Variants in SLC30A8 observed in about 807,000 individuals in gnomAD.
The protein encoded by SLC30A8 is solute carrier family 30 member 8.
Under a neutral mutation model 36.9 loss-of-function variants are expected in SLC30A8, and 27 were observed. The ratio of observed to expected loss-of-function variants is 0.73; its 90% CI spans 0.54 to 1.01. The LOEUF (loss-of-function observed/expected upper bound fraction) is 1.01. SLC30A8 is among the 50% of genes least tolerant of loss of function. The pLI is 0.00. For synonymous variants in SLC30A8, 164 were observed against 172.4 expected, an observed-to-expected ratio of 0.95 and a Z score of 0.38; for missense variants, 439 against 452.0, an observed-to-expected ratio of 0.97 and a Z score of 0.26.
At chr8:117,133,665 A>G (rs573185022), upstream of SLC30A8, among the ~76,000 whole-genome samples, 1 of 152,126 alleles carries the variant, frequency 6.6e-6, no homozygotes, top group South Asian at 2.1e-4. Flanking sequence ...GCTAGAAACT[A>G]TTCACAAATG....
At chr8:116,992,297 G>A (rs1025794925) in intron 1 of SLC30A8, among the ~76,000 whole-genome samples, 2 of 152,154 alleles carry the variant, frequency 1.3e-5, no homozygotes, top group South Asian at 2.1e-4. Context: ...TGCAATGAGC[G>A]AGTAACTTGT....
intron 1 of SLC30A8, among the ~76,000 whole-genome samples, chr8:116,988,509 A>G (rs1035888741): frequency 8.5e-5 from 13 of 152,178 alleles, no homozygotes; most frequent in Non-Finnish European, 1.2e-4. Context: ...CCCCGTTCAC[A>G]TAATTACCTT....
intron 1 of SLC30A8, among the ~76,000 whole-genome samples, chr8:116,976,822 CTTTTTT>C (rs763561636): frequency 7.1e-3 from 243 of 34,330 alleles, no homozygotes; most frequent in African/African-American, 0.026. Context: ...TTCTTTCTTT[CTTTTTT>C]TTTTTTTTTT....
chr8:117,133,996 T>TAAG (rs1490838444), upstream of SLC30A8, among the ~76,000 whole-genome samples: 2 of 151,870 alleles, frequency 1.3e-5, no homozygotes, highest in Non-Finnish European at 2.9e-5. Flanking sequence ...CTTAAGATAA[T>TAAG]AAGAGGTACA....
At chr8:117,095,552 C>T (rs1193746196) in intron 2 of SLC30A8, among the ~76,000 whole-genome samples, 4 of 151,994 alleles carry the variant, frequency 2.6e-5, no homozygotes, top group East Asian at 1.9e-4. Context: ...CTGCTTTGCT[C>T]ATCTCCCAAA....
chr8:117,007,286 A>T lies in SLC30A8; in HGVS notation c.-265-31933A>T, dbSNP rs186832107. Among the ~76,000 whole-genome samples the T allele has an allele frequency of 3.1e-3, 465 of 152,158 alleles. 3 individuals carry two copies. The highest frequency in any genetic ancestry group is 0.01 in the African/African-American group (429 of 41,508). On this transcript the variant is annotated intron_variant, in intron 1 of 10. Transcript: ENST00000427715. Reference sequence around the variant, plus strand: ...GTATAAATTAAAGTTATTCTTGTTTATGTGTTGCAAAACAGGTTTTGGAGG... The same window carrying T: ...GTATAAATTAAAGTTATTCTTGTTTTTGTGTTGCAAAACAGGTTTTGGAGG...
intron 2 of SLC30A8, among the ~76,000 whole-genome samples, chr8:117,073,864 A>G (rs193090787): frequency 6.6e-6 from 1 of 152,128 alleles, no homozygotes; most frequent in East Asian, 1.9e-4. Context: ...GTTCCCCGTC[A>G]GCCCTCCACA....
At chr8:117,117,423 C>T (rs1259990792) in intron 2 of SLC30A8, among the ~76,000 whole-genome samples, 2 of 151,906 alleles carry the variant, frequency 1.3e-5, no homozygotes, top group Non-Finnish European at 1.5e-5. Flanking sequence ...CCAGAGGATC[C>T]GATTTATTAA....
chr8:117,096,255 C>T lies in SLC30A8; in HGVS notation c.-225-39025C>T, dbSNP rs558184831. Among the ~76,000 whole-genome samples the T allele has an allele frequency of 1.1e-4, 16 of 152,298 alleles. No individual in the cohort carries two copies. The East Asian group carries it at 2.5e-3, about 24-fold the overall frequency. On this transcript the variant is annotated intron_variant, in intron 2 of 10. Transcript: ENST00000427715. ...AGTACCTTGAGTGACCTCTGCTACT[C>T]CTCATCCATGTATGTGGTAAACATT...
chr8:117,067,193 A>G (rs934655125), intron 2 of SLC30A8, among the ~76,000 whole-genome samples: 1 of 152,122 alleles, frequency 6.6e-6, no homozygotes, highest in Non-Finnish European at 1.5e-5. Flanking sequence ...ACCTCCCACC[A>G]GGTCCCTCTC....
intron 1 of SLC30A8, among the ~76,000 whole-genome samples, chr8:116,967,234 A>C (rs1814628474): frequency 6.6e-6 from 1 of 152,188 alleles, no homozygotes; most frequent in Admixed American, 6.5e-5. Context: ...AACACAAACA[A>C]AACCCACAAA....
chr8:117,006,445 C>G (rs1267484465), intron 1 of SLC30A8, among the ~76,000 whole-genome samples: 1 of 152,096 alleles, frequency 6.6e-6, no homozygotes, highest in Non-Finnish European at 1.5e-5. Flanking sequence ...TTGTGTGTTT[C>G]TTTTATTTTA....
intron 1 of SLC30A8, among the ~76,000 whole-genome samples, chr8:117,032,036 T>C (rs1302668341): frequency 6.6e-6 from 1 of 152,204 alleles, no homozygotes; most frequent in Non-Finnish European, 1.5e-5. Context: ...TCCCCAAATT[T>C]ATCTTGCGGT....
intron 2 of SLC30A8, among the ~76,000 whole-genome samples, chr8:117,099,785 ACT>A (rs1281613869): frequency 6.6e-6 from 1 of 152,052 alleles, no homozygotes; most frequent in East Asian, 1.9e-4. Flanking sequence ...GATAAAATAA[ACT>A]CTGAGTACTG....
In SLC30A8 at chr8:117,153,511, G is replaced by A. The variant is rs902796096; in HGVS notation, c.418+421G>A. ...ACTTCTTATAGAGGATTCAGGAATA[G>A]AATATAGGCTTTCCTGCTCACACAC... On this transcript the variant is annotated intron_variant, in intron 3 of 7. Coordinates refer to ENST00000456015, the MANE Select transcript of SLC30A8 (RefSeq NM_173851.3). 5.3e-5 allele frequency among the ~76,000 whole-genome samples: 8 copies of A among 152,354 alleles called. No individual in the cohort carries two copies. In the East Asian group the frequency reaches 1.5e-3, roughly 29 times the overall value.
intron 6 of SLC30A8, among the ~76,000 whole-genome samples, chr8:117,164,634 A>G (rs1822969572): frequency 6.6e-6 from 1 of 152,132 alleles, no homozygotes; most frequent in African/African-American, 2.4e-5. Flanking sequence ...TAATAAGAGG[A>G]GAAAGAGATT....
chr8:117,076,298 G>T (rs1040292994), intron 2 of SLC30A8, among the ~76,000 whole-genome samples: 45 of 152,300 alleles, frequency 3.0e-4, no homozygotes, highest in East Asian at 3.9e-4. Flanking sequence ...CTAAAGAGGA[G>T]AAGTCTATTT....
intron 2 of SLC30A8, among the ~76,000 whole-genome samples, chr8:117,044,918 C>G (rs773192609): frequency 6.6e-6 from 1 of 152,180 alleles, no homozygotes; most frequent in Non-Finnish European, 1.5e-5. Flanking sequence ...TGCCTCAGAA[C>G]TAGCTGCAAA....
chr8:116,970,039 G>C (rs933967989), intron 1 of SLC30A8, among the ~76,000 whole-genome samples: 3 of 151,684 alleles, frequency 2.0e-5, no homozygotes, highest in Non-Finnish European at 2.9e-5. Context: ...TATACTTTTA[G>C]TCTTTTGTAA....
Sources: allele counts gnomAD v4.1 joint callset (sites outside exome capture counted in the v4.1 genomes callset), GRCh38; gene constraint gnomAD v4.1.1; transcripts MANE v1.5; gene names NCBI Gene and HGNC (gene_info 2026-07-23, HGNC 2026-07-21).